POLR2F: variants seen among roughly 807,000 people sequenced by gnomAD.
The protein encoded by POLR2F is RNA polymerase II, I and III subunit F.
Under a neutral mutation model 22.7 loss-of-function variants are expected in POLR2F, and 12 were observed. The observed-to-expected ratio is 0.53, with a 90% CI of 0.34 to 0.86. POLR2F has a LOEUF of 0.86. POLR2F is among the 40% of genes least tolerant of loss of function. The probability of loss-of-function intolerance (pLI) is 0.02; values close to 1 mark genes in which losing one functional copy is unlikely to be tolerated. For missense variants in POLR2F, 126 were observed against 171.5 expected, an observed-to-expected ratio of 0.73 and a Z score of 1.48; for synonymous variants, 57 against 66.0, an observed-to-expected ratio of 0.86 and a Z score of 0.66.
intron 4 of POLR2F, among the ~76,000 whole-genome samples, chr22:37,976,876 C>T (rs1293387813): frequency 1.3e-5 from 2 of 152,058 alleles, no homozygotes; most frequent in Admixed American, 1.3e-4. Flanking sequence ...CATGGCCAGA[C>T]ACGGTATCAC....
rs890745510 is a variant in POLR2F at position 37,986,442 on chromosome 22, G to A, written c.120+130G>A. The A allele has an allele frequency of 1.8e-5, 28 of 1,527,320 alleles. No homozygotes were observed. The highest frequency in any genetic ancestry group is 2.5e-5 in the Non-Finnish European group (28 of 1,140,542). 94.6% of individuals were successfully genotyped at this position (1,527,320 alleles called of 1,614,324 possible). A position where few individuals can be genotyped will look rare whatever the true frequency, so the allele number is the denominator to read the frequency against. Reference sequence around the variant, plus strand: ...GGAGGGGTGGTTGTGGAAGGAAAGAGCCCAGAGTTAGGAGGTGGAATGTGG... The same window carrying A: ...GGAGGGGTGGTTGTGGAAGGAAAGAACCCAGAGTTAGGAGGTGGAATGTGG... On this transcript the variant is annotated intron_variant, in intron 1 of 2. Transcript: ENST00000333418. This position sits in a 1 kb window ranked among gnomAD's most constrained non-coding sequence, Gnocchi z 4.7.
chr22:37,998,045 G>A (rs964313716), intron 1 of POLR2F, among the ~76,000 whole-genome samples: 5 of 152,212 alleles, frequency 3.3e-5, no homozygotes, highest in Non-Finnish European at 7.3e-5. Flanking sequence ...AAGAGGCAGG[G>A]AGAGGGTGGG....
intron 5 of POLR2F, among the ~76,000 whole-genome samples, chr22:38,037,688 G>A (rs1261220947): frequency 6.6e-6 from 1 of 151,676 alleles, no homozygotes; most frequent in Non-Finnish European, 1.5e-5. Context: ...CACCTCCCGG[G>A]TTCACGCGAT....
In POLR2F at chr22:37,986,851, C is replaced by T; in HGVS notation, c.120+539C>T. On this transcript the variant is annotated intron_variant, in intron 1 of 2. Transcript: ENST00000333418. This position sits in a 1 kb window ranked among gnomAD's most constrained non-coding sequence, Gnocchi z 4.7. ...TGGGAACCCAGTGCTCTCCAGCAGG[C>T]AAGGGTGAAGGACCCATAGTCATTC... is the stretch of plus-strand genomic sequence containing the variant. The T allele has an allele frequency of 2.2e-6, 1 of 454,352 alleles. No homozygotes were observed. The highest frequency in any genetic ancestry group is 1.6e-5 in the South Asian group (1 of 64,314). The allele number at this position is 454,352 out of a possible 1,614,324, so 28.1% of individuals were successfully genotyped here. A position where few individuals can be genotyped will look rare whatever the true frequency, so the allele number is the denominator to read the frequency against.
At chr22:37,957,463 A>G (rs1011587540) in intron 2 of POLR2F, among the ~76,000 whole-genome samples, 1 of 152,166 alleles carries the variant, frequency 6.6e-6, no homozygotes, top group Non-Finnish European at 1.5e-5. Flanking sequence ...GACGACTCTC[A>G]GGTTTCTGGC....
chr22:37,955,093 CAA>C (rs775778308), intron 1 of POLR2F, among the ~76,000 whole-genome samples: 2 of 150,570 alleles, frequency 1.3e-5, no homozygotes, highest in Non-Finnish European at 2.9e-5. Flanking sequence ...GAGATTATGA[CAA>C]AATGGGAAGA....
At chr22:37,953,886 C>T (rs1307341373) in intron 1 of POLR2F, 79 bp downstream of exon 1, 1 of 1,520,856 alleles carries the variant, frequency 6.6e-7, no homozygotes, top group Non-Finnish European at 8.9e-7. Flanking sequence ...GCTGAGGAGC[C>T]TGGCGTCTAG....
At position 37,978,221 on chromosome 22, in the gene POLR2F, C is replaced by T; in HGVS notation, c.293+11051C>T. On this transcript the variant is annotated intron_variant, in intron 4 of 4. Transcript: ENST00000405557. This position sits in a 1 kb window ranked among gnomAD's most constrained non-coding sequence, Gnocchi z 5.0. Reference sequence around the variant, plus strand: ...CCAGGTTGGCCTCCCTCTGAGTGTCCATCTTGGAAGATGTGAGGCCCTGGG... The same window carrying T: ...CCAGGTTGGCCTCCCTCTGAGTGTCTATCTTGGAAGATGTGAGGCCCTGGG... The T allele has an allele frequency of 7.2e-7, 1 of 1,388,352 alleles. No individual in the cohort carries two copies. Among genetic ancestry groups the T allele is most frequent in the Admixed American group, 2.7e-5 (1 of 36,688 alleles). 86.0% of individuals were successfully genotyped at this position (1,388,352 alleles called of 1,614,324 possible).
At chr22:37,971,321 G>A (rs1221642824), downstream of POLR2F, 4 of 470,812 alleles carry the variant, frequency 8.5e-6, no homozygotes, top group East Asian at 6.9e-5. Flanking sequence ...GATAACGATC[G>A]GACCTACCCC....
chr22:38,016,191 C>T lies in POLR2F; in HGVS notation c.121-9678C>T, dbSNP rs540213634. Among the ~76,000 whole-genome samples the T allele has an allele frequency of 6.6e-6, 1 of 152,314 alleles. No individual in the cohort carries two copies. Among genetic ancestry groups the T allele is most frequent in the East Asian group, 1.9e-4 (1 of 5,188 alleles). On this transcript the variant is annotated intron_variant, in intron 1 of 2. Coordinates refer to the POLR2F transcript ENST00000333418. The surrounding 1 kb of genome is among the most constrained non-coding windows in gnomAD (Gnocchi z 4.4). Reference sequence around the variant, plus strand: ...GGGGCATCAGCGAATCTGTTTTGCCCTGAAAGGCACAGCTGGGCCAAAGCC... The same window carrying T: ...GGGGCATCAGCGAATCTGTTTTGCCTTGAAAGGCACAGCTGGGCCAAAGCC...
At chr22:38,034,790 G>A (rs369410017) in intron 5 of POLR2F, among the ~76,000 whole-genome samples, 9 of 152,316 alleles carry the variant, frequency 5.9e-5, no homozygotes, top group African/African-American at 2.2e-4. Context: ...GACACAGAGC[G>A]CACTGGAGGT....
chr22:37,969,136 G>A lies in POLR2F; in HGVS notation c.*1421G>A. The A allele has an allele frequency of 1.0e-6, 1 of 985,400 alleles. No homozygotes were observed. The highest frequency in any genetic ancestry group is 1.2e-6 in the Non-Finnish European group (1 of 829,930). The allele number at this position is 985,400 out of a possible 1,614,324, so 61.0% of individuals were successfully genotyped here. ...TTAAAGGGAGATGGGGTTTGGGCTG[G>A]GGAGGAGGGGAATTGGGGGTTAACC... On this transcript the variant is annotated 3_prime_UTR_variant, in exon 5 of 5. Coordinates refer to ENST00000442738, the MANE Select transcript of POLR2F (RefSeq NM_021974.5).
At chr22:38,041,195 C>T (rs1271699520), downstream of POLR2F, 28 of 1,588,994 alleles carry the variant, frequency 1.8e-5, no homozygotes, top group Middle Eastern at 2.0e-4. Context: ...TCAAGGCGGC[C>T]GCCAGGGAAG....
chr22:37,975,059 T>C (rs1932183344), intron 4 of POLR2F, among the ~76,000 whole-genome samples: 1 of 152,248 alleles, frequency 6.6e-6, no homozygotes, highest in Admixed American at 6.5e-5. Context: ...CTGTTGTTCT[T>C]TGAGCTGCCT....
intron 2 of POLR2F, among the ~76,000 whole-genome samples, chr22:37,958,984 T>C (rs911392486): frequency 6.6e-6 from 1 of 152,118 alleles, no homozygotes; most frequent in Admixed American, 6.6e-5. Context: ...CTGCTTAGGG[T>C]AATTTTTTTG....
intron 1 of POLR2F, 107 bp downstream of exon 1, chr22:37,953,914 A>ACTGGGGTCCTGAGGGGG (rs1164251265): frequency 1.5e-6 from 2 of 1,329,842 alleles, no homozygotes; most frequent in Non-Finnish European, 2.1e-6. Flanking sequence ...GTCTGAGGGG[A>ACTGGGGTCCTGAGGGGG]CTGGGGTCCT....
At chr22:38,039,520 G>A (rs1479237136) in intron 5 of POLR2F, among the ~76,000 whole-genome samples, 1 of 152,164 alleles carries the variant, frequency 6.6e-6, no homozygotes, top group Non-Finnish European at 1.5e-5. Context: ...AGCCACCCCC[G>A]CCTTGTGAGA....
At chr22:37,955,962 G>T (rs764988489) in intron 1 of POLR2F, among the ~76,000 whole-genome samples, 13 of 152,068 alleles carry the variant, frequency 8.5e-5, no homozygotes, top group Non-Finnish European at 1.8e-4. Flanking sequence ...TGGGATTACA[G>T]ACGTGAGCCA....
At chr22:37,973,378 C>T, downstream of POLR2F, 1 of 702,864 alleles carries the variant, frequency 1.4e-6, no homozygotes, top group Non-Finnish European at 2.3e-6. Flanking sequence ...GACCTGTCAG[C>T]CTCTTCAGCC....
Sources: gnomAD v4.1 joint callset for allele counts (sites outside exome capture counted in the v4.1 genomes callset) on GRCh38, gnomAD v4.1.1 for gene constraint, Gnocchi (gnomAD v3.1) non-coding constraint, MANE v1.5 for transcripts, NCBI Gene and HGNC (gene_info 2026-07-23, HGNC 2026-07-21) for gene names.